RAB27A: variants seen among roughly 807,000 people sequenced by gnomAD.
The protein encoded by RAB27A is RAB27A, member RAS oncogene family.
Under a neutral mutation model 20.8 loss-of-function variants are expected in RAB27A, and 17 were observed. That is an observed-to-expected ratio of 0.82 (90% confidence interval 0.56 to 1.23). RAB27A has a LOEUF of 1.23. Ranked by LOEUF, RAB27A falls within the 50% of genes most tolerant of loss-of-function variation. RAB27A has a pLI of 0.00. For synonymous variants in RAB27A, 85 were observed against 92.8 expected (o/e 0.92, Z 0.48); for missense variants, 277 against 266.7 (o/e 1.04, Z -0.27).
intron 2 of RAB27A, among the ~76,000 whole-genome samples, chr15:55,308,551 G>T (rs553278255): frequency 6.6e-6 from 1 of 152,310 alleles, no homozygotes; most frequent in South Asian, 2.1e-4. Context: ...ACTTCCATCA[G>T]TATACAAGTT....
intron 1 of RAB27A, among the ~76,000 whole-genome samples, chr15:55,314,700 C>A (rs1003732601): frequency 1.3e-5 from 2 of 152,156 alleles, no homozygotes; most frequent in Non-Finnish European, 2.9e-5. Flanking sequence ...AGGGATACAA[C>A]TTACAAGGGA....
chr15:55,256,712 A>C (rs1897093064), intron 2 of RAB27A, among the ~76,000 whole-genome samples: 1 of 152,214 alleles, frequency 6.6e-6, no homozygotes, highest in African/African-American at 2.4e-5. Context: ...CAGGACGACT[A>C]ATCCATTGGT....
Position 55,223,912 on chromosome 15 carries a change from G to T in RAB27A, c.444C>A (p.Ala148=). The change falls in exon 6 of 7, where the codon GCC becomes GCA. Residue 148 remains alanine, a synonymous_variant. Transcript: ENST00000336787. Reference sequence around the variant, plus strand: ...ACCCATATTTCTCTGCGAGTGCTATGGCTTCCTCCTCTTTCACTACTCTCT... The same window carrying T: ...ACCCATATTTCTCTGCGAGTGCTATTGCTTCCTCCTCTTTCACTACTCTCT... ...EDQRVVKEEE[A]IALAEKYGIP... is the part of the protein sequence containing the mutation. 6.2e-7 allele frequency: 1 copy of T among 1,613,732 alleles called. No homozygotes were observed.
At chr15:55,299,032 A>C (rs1309244923) in intron 2 of RAB27A, among the ~76,000 whole-genome samples, 1 of 152,192 alleles carries the variant, frequency 6.6e-6, no homozygotes, top group African/African-American at 2.4e-5. Context: ...CAATTATTAC[A>C]GGGTCCTGAG....
At chr15:55,254,917 T>C (rs536105247) in intron 2 of RAB27A, among the ~76,000 whole-genome samples, 165 of 152,342 alleles carry the variant, frequency 1.1e-3, no homozygotes, top group Admixed American at 2.4e-3. Flanking sequence ...CACAATTTAG[T>C]TGTCCAAGTA....
Position 55,306,361 on chromosome 15 carries a change from C to T in RAB27A, c.-112+7678G>A, listed in dbSNP as rs567073821. On this transcript the variant is annotated intron_variant, in intron 2 of 5. Transcript: ENST00000563262. ...GGTTTTGGGCCGAGACCTCATGAAACCCAGTGAGGGTGGTATTAAATAGGC... is the reference window on the plus strand; with the variant it reads ...GGTTTTGGGCCGAGACCTCATGAAATCCAGTGAGGGTGGTATTAAATAGGC... 3.3e-5 allele frequency among the ~76,000 whole-genome samples: 5 copies of T among 152,234 alleles called. No individual in the cohort carries two copies. The South Asian group carries it at 1.0e-3, about 32-fold the overall frequency.
At position 55,262,125 on chromosome 15, in the gene RAB27A, T is replaced by A. The variant is rs988859670; in HGVS notation, c.-23+8040A>T. Among the ~76,000 whole-genome samples, 5 of 152,288 alleles carry A rather than the reference T, an allele frequency of 3.3e-5. No individual in the cohort carries two copies. In the East Asian group the frequency reaches 9.6e-4, roughly 29 times the overall value. ...ATTGATACTTTGTTTTTGTCACTAC[T>A]GTGATAACTTTTAAACATGTATCTT... is the stretch of plus-strand genomic sequence containing the variant. On this transcript the variant is annotated intron_variant, in intron 2 of 6. Transcript: ENST00000336787.
chr15:55,318,093 T>G (rs1419020431), intron 1 of RAB27A, among the ~76,000 whole-genome samples: 1 of 133,996 alleles, frequency 7.5e-6, no homozygotes, highest in East Asian at 2.7e-4. Flanking sequence ...AAATGCATAC[T>G]TTTTCTTTTT....
At chr15:55,213,491 C>A (rs980436317) in intron 6 of RAB27A, among the ~76,000 whole-genome samples, 1 of 152,230 alleles carries the variant, frequency 6.6e-6, no homozygotes, top group African/African-American at 2.4e-5. Flanking sequence ...AGGCCACAGA[C>A]TGGTACCAAT....
intron 2 of RAB27A, among the ~76,000 whole-genome samples, chr15:55,239,278 C>T (rs1187718105): frequency 6.6e-6 from 1 of 152,076 alleles, no homozygotes; most frequent in Non-Finnish European, 1.5e-5. Flanking sequence ...TAGACTGGTT[C>T]AAAACAGTCT....
intron 6 of RAB27A, among the ~76,000 whole-genome samples, chr15:55,216,043 A>G (rs1490411332): frequency 6.6e-6 from 1 of 151,974 alleles, no homozygotes; most frequent in Non-Finnish European, 1.5e-5. Flanking sequence ...TGATTCTGAC[A>G]AAAGTTTAAC....
intron 1 of RAB27A, among the ~76,000 whole-genome samples, chr15:55,271,363 T>G (rs1376916440): frequency 6.6e-6 from 1 of 152,224 alleles, no homozygotes; most frequent in Middle Eastern, 3.2e-3. Context: ...AGGAACTTAT[T>G]AGATTTGCAC....
intron 1 of RAB27A, among the ~76,000 whole-genome samples, chr15:55,314,647 G>C (rs1023513347): frequency 2.6e-4 from 39 of 152,278 alleles, no homozygotes; most frequent in African/African-American, 8.7e-4. Context: ...CAAATCATGA[G>C]TGAACTCCTA....
chr15:55,217,065 T>C lies in RAB27A; in HGVS notation c.467+6824A>G, dbSNP rs1297839767. 4.6e-5 allele frequency among the ~76,000 whole-genome samples: 7 copies of C among 152,244 alleles called. No individual in the cohort carries two copies. The East Asian group carries it at 1.3e-3, about 29-fold the overall frequency. The stretch of plus-strand genomic sequence containing the variant: ...CACACAATATTAACAAGACATACTT[T>C]AGATTTGTAACTCCAAATTCAAGTA... On this transcript the variant is annotated intron_variant, in intron 6 of 6. Coordinates refer to ENST00000336787, the MANE Select transcript of RAB27A (RefSeq NM_183235.3).
chr15:55,244,023 G>A (rs533104671), intron 2 of RAB27A, among the ~76,000 whole-genome samples: 6 of 151,888 alleles, frequency 4.0e-5, no homozygotes, highest in African/African-American at 1.5e-4. Context: ...AAGCTTGGGC[G>A]GGCACAGTGG....
chr15:55,307,846 T>C (rs1663254814), intron 2 of RAB27A, among the ~76,000 whole-genome samples: 1 of 151,604 alleles, frequency 6.6e-6, no homozygotes, highest in African/African-American at 2.4e-5. Flanking sequence ...GACTATCTGC[T>C]TGATAGTTTT....
At chr15:55,297,014 T>A (rs4774760) in intron 2 of RAB27A, among the ~76,000 whole-genome samples, 41,456 of 151,982 alleles carry the variant, frequency 0.27, 6,847 homozygotes, top group East Asian at 0.55. Context: ...GCAAAAAGGA[T>A]TATAACCTGG....
chr15:55,301,752 T>C (rs1001668096), intron 2 of RAB27A, among the ~76,000 whole-genome samples: 1 of 150,990 alleles, frequency 6.6e-6, no homozygotes, highest in African/African-American at 2.4e-5. Flanking sequence ...TTCAAGCAAT[T>C]CTCCTCCCTC....
chr15:55,205,737 T>C (rs773492562), intron 6 of RAB27A, 32 bp from the exon 7 acceptor site: 8 of 1,554,530 alleles, frequency 5.1e-6, no homozygotes, highest in African/African-American at 4.1e-5. Context: ...GGTAACAACA[T>C]GTGGAGGGAA....
Sources: allele counts gnomAD v4.1 joint callset (sites outside exome capture counted in the v4.1 genomes callset), GRCh38; gene constraint gnomAD v4.1.1; transcripts MANE v1.5; gene names NCBI Gene and HGNC (gene_info 2026-07-23, HGNC 2026-07-21).